Variants in ADAMTSL1 observed in about 807,000 individuals in gnomAD.
ADAMTSL1 encodes the protein ADAMTS like 1, also known as ADAMTS-like protein 1.
A neutral mutation model predicts 201.8 loss-of-function variants in ADAMTSL1; 126 were observed. The ratio of observed to expected loss-of-function variants is 0.62; its 90% CI spans 0.54 to 0.72. The LOEUF (loss-of-function observed/expected upper bound fraction) is 0.72, where lower values mean the gene tolerates loss of function less well. ADAMTSL1 is among the 30% of genes least tolerant of loss of function. ADAMTSL1 has a pLI of 0.00. For synonymous variants in ADAMTSL1, 1,121 were observed against 903.4 expected, an observed-to-expected ratio of 1.24 and a Z score of -4.32; for missense variants, 2,679 against 2,277.8, an observed-to-expected ratio of 1.18 and a Z score of -3.59.
At chr9:18,152,351 T>G (rs376227817) in intron 1 of ADAMTSL1, among the ~76,000 whole-genome samples, 1 of 151,992 alleles carries the variant, frequency 6.6e-6, no homozygotes, top group East Asian at 1.9e-4. Flanking sequence ...CACAGGGCAC[T>G]GCAAAGTTCA....
chr9:18,705,165 A>G (rs1195512731), intron 13 of ADAMTSL1, among the ~76,000 whole-genome samples: 1 of 152,198 alleles, frequency 6.6e-6, no homozygotes, highest in Non-Finnish European at 1.5e-5. Context: ...GATCTGAACC[A>G]TTTGCACTTG....
At chr9:18,144,325 C>T (rs972507353) in intron 1 of ADAMTSL1, among the ~76,000 whole-genome samples, 7 of 152,054 alleles carry the variant, frequency 4.6e-5, no homozygotes, top group Non-Finnish European at 7.4e-5. Context: ...TCTGCCTCAG[C>T]TTCCTGGGTA....
intron 4 of ADAMTSL1, among the ~76,000 whole-genome samples, chr9:18,593,127 G>A (rs1202802013): frequency 6.6e-6 from 1 of 151,944 alleles, no homozygotes; most frequent in Non-Finnish European, 1.5e-5. Flanking sequence ...TGGGTCTTTA[G>A]GTTTTTCCAA....
chr9:18,545,859 C>T (rs970275148), intron 3 of ADAMTSL1, among the ~76,000 whole-genome samples: 15 of 152,162 alleles, frequency 9.9e-5, no homozygotes, highest in Admixed American at 6.6e-5. Context: ...GCCTAGGTTG[C>T]TAACGTGCAA....
At chr9:18,900,492 G>C (rs1829941171) in intron 26 of ADAMTSL1, among the ~76,000 whole-genome samples, 1 of 152,082 alleles carries the variant, frequency 6.6e-6, no homozygotes, top group African/African-American at 2.4e-5. Flanking sequence ...GTTTACTGCA[G>C]CACTACTCAC....
chr9:18,016,035 C>T (rs916181744), intron 1 of ADAMTSL1, among the ~76,000 whole-genome samples: 1 of 151,972 alleles, frequency 6.6e-6, no homozygotes, highest in Non-Finnish European at 1.5e-5. Context: ...CCTTGTATGC[C>T]AGGTAACAAA....
Position 18,533,306 on chromosome 9 carries a change from T to G in ADAMTSL1, c.237+14T>G, listed in dbSNP as rs1383479672. ...TGCAGTAATGTGGTAAGTATAAGGT[T>G]CTGAGATTGTAATCATGTATTTTTG... On this transcript the variant is annotated intron_variant, in intron 3 of 28. Transcript: ENST00000380548. 1 of 1,600,334 alleles carries G rather than the reference T, an allele frequency of 6.2e-7. No homozygotes were observed. The highest frequency in any genetic ancestry group is 1.3e-5 in the African/African-American group (1 of 74,612).
intron 2 of ADAMTSL1, among the ~76,000 whole-genome samples, chr9:18,442,216 A>T (rs958020160): frequency 6.6e-6 from 1 of 152,362 alleles, no homozygotes; most frequent in Non-Finnish European, 1.5e-5. Context: ...AGGGAATGTT[A>T]TACATCAAAG....
chr9:18,223,506 G>A (rs1830337510), intron 2 of ADAMTSL1, among the ~76,000 whole-genome samples: 1 of 151,774 alleles, frequency 6.6e-6, no homozygotes, highest in Non-Finnish European at 1.5e-5. Context: ...CTCCACTTCA[G>A]TTCATTAGCC....
chr9:17,961,461 G>T (rs1470867358), intron 1 of ADAMTSL1, among the ~76,000 whole-genome samples: 1 of 152,008 alleles, frequency 6.6e-6, no homozygotes, highest in African/African-American at 2.4e-5. Flanking sequence ...ATGTTGGTCA[G>T]GCTGGTCTCG....
At chr9:18,822,619 T>G (rs1366392113) in intron 21 of ADAMTSL1, among the ~76,000 whole-genome samples, 1 of 152,176 alleles carries the variant, frequency 6.6e-6, no homozygotes, top group Non-Finnish European at 1.5e-5. Flanking sequence ...GATGTAATGA[T>G]GTAATCGTTC....
At chr9:18,546,285 G>A (rs1462538442) in intron 3 of ADAMTSL1, among the ~76,000 whole-genome samples, 2 of 152,064 alleles carry the variant, frequency 1.3e-5, no homozygotes, top group Non-Finnish European at 2.9e-5. Context: ...ATCACAGTGG[G>A]AAGGCTAAAG....
chr9:18,761,271 C>G (rs1353812216), intron 16 of ADAMTSL1, among the ~76,000 whole-genome samples: 6 of 152,034 alleles, frequency 3.9e-5, no homozygotes, highest in Non-Finnish European at 8.8e-5. Context: ...AAGAAGAAAC[C>G]AGAAATTTCA....
chr9:18,240,110 C>T (rs1277712177), intron 2 of ADAMTSL1, among the ~76,000 whole-genome samples: 2 of 152,170 alleles, frequency 1.3e-5, no homozygotes, highest in African/African-American at 2.4e-5. Flanking sequence ...AGGTTTTCCA[C>T]TTACTGTACC....
chr9:18,179,499 A>G (rs538661837), intron 2 of ADAMTSL1, among the ~76,000 whole-genome samples: 1 of 152,324 alleles, frequency 6.6e-6, no homozygotes, highest in East Asian at 1.9e-4. Flanking sequence ...AGGCAGGCCA[A>G]CATTCAGATT....
intron 2 of ADAMTSL1, among the ~76,000 whole-genome samples, chr9:18,274,749 G>A (rs755504938): frequency 6.6e-6 from 1 of 152,126 alleles, no homozygotes; most frequent in Non-Finnish European, 1.5e-5. Context: ...TTGCAAAAGA[G>A]ACTATTATAA....
chr9:18,907,845 C>G, intron 28 of ADAMTSL1: 1 of 161,408 alleles, frequency 6.2e-6, no homozygotes, highest in Non-Finnish European at 1.4e-5. Flanking sequence ...TAGTCTGTGC[C>G]AACACTGAAC....
intron 2 of ADAMTSL1, among the ~76,000 whole-genome samples, chr9:18,165,984 A>C (rs971492906): frequency 6.6e-6 from 1 of 151,788 alleles, no homozygotes; most frequent in African/African-American, 2.4e-5. Context: ...TATTGGGAGG[A>C]GGCTCTTCAG....
intron 2 of ADAMTSL1, among the ~76,000 whole-genome samples, chr9:18,235,674 G>C (rs899378508): frequency 6.6e-6 from 1 of 152,154 alleles, no homozygotes; most frequent in African/African-American, 2.4e-5. Flanking sequence ...TGTTAAGAGA[G>C]GTTCTATAAT....
Sources: gnomAD v4.1 joint callset for allele counts (sites outside exome capture counted in the v4.1 genomes callset) on GRCh38, gnomAD v4.1.1 for gene constraint, MANE v1.5 for transcripts, NCBI Gene and HGNC (gene_info 2026-07-23, HGNC 2026-07-21) for gene names.